The following WWOX variants were observed in gnomAD, a reference collection of about 807,000 sequenced individuals.
WWOX encodes the protein WW domain-containing oxidoreductase.
WWOX carries 69 observed loss-of-function variants against 46.2 expected under a neutral mutation model. That is an observed-to-expected ratio of 1.49 (90% CI 1.23 to 1.82). WWOX has a LOEUF of 1.82. Ranked by LOEUF, WWOX falls within the 40% of genes most tolerant of loss-of-function variation. The pLI is 0.00. For synonymous variants in WWOX, 359 were observed against 202.6 expected, an observed-to-expected ratio of 1.77 and a Z score of -6.56; for missense variants, 919 against 542.6, an observed-to-expected ratio of 1.69 and a Z score of -6.89.
At chr16:79,137,888 G>T (rs1270500935) in intron 8 of WWOX, among the ~76,000 whole-genome samples, 1 of 152,074 alleles carries the variant, frequency 6.6e-6, no homozygotes, top group Non-Finnish European at 1.5e-5. Flanking sequence ...CCAAAGTTAG[G>T]GGGTGGGGGA....
intron 8 of WWOX, among the ~76,000 whole-genome samples, chr16:79,044,155 A>G (rs1217742970): frequency 1.3e-5 from 2 of 152,152 alleles, no homozygotes; most frequent in African/African-American, 4.8e-5. Context: ...CCAAACAGCA[A>G]ATGTTCACTG....
rs1224318922 is a variant in WWOX at position 78,314,387 on chromosome 16, CAG to C, written c.517-72470_517-72469del. On this transcript the variant is annotated intron_variant, in intron 5 of 8. Transcript: ENST00000566780. ...AGCCACTGCACTCCAGCCTGAGCAACAGAGTGAGACTCTGTCTCAAAAAAAAA... is the reference window on the plus strand; with the variant it reads ...AGCCACTGCACTCCAGCCTGAGCAACAGTGAGACTCTGTCTCAAAAAAAAA... 2.0e-4 allele frequency among the ~76,000 whole-genome samples: 9 copies of C among 44,586 alleles called. No individual in the cohort carries two copies. In the South Asian group the frequency reaches 4.5e-3, roughly 22 times the overall value. 29.3% of individuals were successfully genotyped at this position (44,586 alleles called of 152,430 possible).
chr16:78,342,864 A>T (rs2081039751), intron 5 of WWOX, among the ~76,000 whole-genome samples: 1 of 120,186 alleles, frequency 8.3e-6, no homozygotes, highest in Non-Finnish European at 2.0e-5. Context: ...TAGTGAGGGG[A>T]CCCAGAATGA....
chr16:78,705,955 G>A (rs1008077386), intron 8 of WWOX, among the ~76,000 whole-genome samples: 1 of 151,636 alleles, frequency 6.6e-6, no homozygotes, highest in African/African-American at 2.4e-5. Flanking sequence ...TGTGGAACGT[G>A]GTTTAGATGC....
At chr16:78,815,184 G>T (rs375743561) in intron 8 of WWOX, among the ~76,000 whole-genome samples, 16 of 152,098 alleles carry the variant, frequency 1.1e-4, no homozygotes, top group African/African-American at 3.9e-4. Context: ...AATTAACCAG[G>T]CATGGTGGCA....
At chr16:78,275,423 T>C (rs1294829411) in intron 5 of WWOX, among the ~76,000 whole-genome samples, 1 of 152,202 alleles carries the variant, frequency 6.6e-6, no homozygotes, top group Admixed American at 6.5e-5. Flanking sequence ...CCTGGCCCGC[T>C]TTCCAAATTG....
intron 8 of WWOX, among the ~76,000 whole-genome samples, chr16:78,978,167 G>A (rs184896186): frequency 1.1e-4 from 17 of 152,286 alleles, no homozygotes; most frequent in Admixed American, 1.0e-3. Flanking sequence ...GCATGTATCA[G>A]TACTTCATTC....
chr16:79,024,950 G>C (rs1415735072), intron 8 of WWOX, among the ~76,000 whole-genome samples: 1 of 152,152 alleles, frequency 6.6e-6, no homozygotes, highest in Non-Finnish European at 1.5e-5. Flanking sequence ...TGGGGACACA[G>C]AGTGATGTGA....
chr16:79,112,833 C>T (rs573426300), intron 8 of WWOX, among the ~76,000 whole-genome samples: 9 of 152,250 alleles, frequency 5.9e-5, no homozygotes, highest in South Asian at 2.1e-4. Flanking sequence ...CTCAGGAGAC[C>T]GTCCAAGGTC....
chr16:79,071,822 G>T (rs1307270771), intron 8 of WWOX, among the ~76,000 whole-genome samples: 1 of 152,238 alleles, frequency 6.6e-6, no homozygotes, highest in East Asian at 1.9e-4. Context: ...GGACAAGTGT[G>T]TTGGGAGCTC....
At chr16:78,558,428 C>G (rs531902494) in intron 8 of WWOX, among the ~76,000 whole-genome samples, 3 of 152,218 alleles carry the variant, frequency 2.0e-5, no homozygotes, top group Admixed American at 6.5e-5. Flanking sequence ...CTGCTTATCT[C>G]GACAAAGCAG....
intron 8 of WWOX, among the ~76,000 whole-genome samples, chr16:79,091,041 G>A (rs147844598): frequency 2.0e-5 from 3 of 151,998 alleles, no homozygotes; most frequent in Non-Finnish European, 4.4e-5. Flanking sequence ...ACCCACATCG[G>A]CCTCCCAAAG....
intron 4 of WWOX, chr16:78,123,691 C>G (rs924876969): frequency 2.0e-5 from 3 of 151,664 alleles, no homozygotes; most frequent in African/African-American, 7.3e-5. Flanking sequence ...CTCCTGACCT[C>G]ATGATCCACC....
intron 5 of WWOX, among the ~76,000 whole-genome samples, chr16:78,351,523 A>G (rs1025413389): frequency 6.6e-6 from 1 of 152,150 alleles, no homozygotes; most frequent in African/African-American, 2.4e-5. Flanking sequence ...AGGAATGTTC[A>G]GGAAGCAGGC....
chr16:78,139,243 A>C (rs2033903633), intron 4 of WWOX, among the ~76,000 whole-genome samples: 1 of 152,234 alleles, frequency 6.6e-6, no homozygotes, highest in South Asian at 2.1e-4. Context: ...GGACAGAACC[A>C]GGACCAATGG....
At position 78,150,877 on chromosome 16, in the gene WWOX, A is replaced by G. The variant is rs145037152; in HGVS notation, c.410-13306A>G. Among the ~76,000 whole-genome samples the G allele has an allele frequency of 5.3e-5, 8 of 150,958 alleles. 1 individual carries two copies. Among genetic ancestry groups the G allele is most frequent in the African/African-American group, 1.9e-4 (8 of 41,208 alleles). On this transcript the variant is annotated intron_variant, in intron 4 of 8. Transcript: ENST00000566780. ...ACCCACATTGCTCAGAAAATTTCAA[A>G]GGTTTTTGTTTTTTTAGACAGGGTC...
chr16:78,336,247 C>G (rs1007520703), intron 5 of WWOX, among the ~76,000 whole-genome samples: 33 of 149,180 alleles, frequency 2.2e-4, no homozygotes, highest in African/African-American at 7.9e-4. Context: ...CTGAGGCAGG[C>G]AGATCACCTG....
chr16:78,867,867 A>G (rs1298481018), intron 8 of WWOX, among the ~76,000 whole-genome samples: 1 of 152,210 alleles, frequency 6.6e-6, no homozygotes. Flanking sequence ...GCTTAGCTCT[A>G]ACCAGAAAGA....
intron 8 of WWOX, among the ~76,000 whole-genome samples, chr16:78,609,279 T>C (rs1386086542): frequency 6.6e-6 from 1 of 152,210 alleles, no homozygotes; most frequent in Non-Finnish European, 1.5e-5. Flanking sequence ...TTTTTTGTTC[T>C]GGTTTTTGTT....
Sources: allele counts gnomAD v4.1 joint callset (sites outside exome capture counted in the v4.1 genomes callset), GRCh38; gene constraint gnomAD v4.1.1; transcripts MANE v1.5; gene names NCBI Gene and HGNC (gene_info 2026-07-23, HGNC 2026-07-21).